LMBR1: variants seen among roughly 807,000 people sequenced by gnomAD.
LMBR1 encodes limb development membrane protein 1.
Under a neutral mutation model 73.9 loss-of-function variants are expected in LMBR1, and 52 were observed. The ratio of observed to expected loss-of-function variants is 0.70; its 90% CI spans 0.56 to 0.89. The LOEUF (loss-of-function observed/expected upper bound fraction) is 0.89, where lower values mean the gene tolerates loss of function less well. Among genes scored for constraint, LMBR1 ranks in the 40% least tolerant of loss-of-function variants. LMBR1 has a pLI of 0.00. For missense variants in LMBR1, 539 were observed against 579.8 expected (o/e 0.93, Z 0.72); for synonymous variants, 215 against 209.4 (o/e 1.03, Z -0.23).
intron 5 of LMBR1, among the ~76,000 whole-genome samples, chr7:156,767,700 T>A (rs745705525): frequency 6.6e-6 from 1 of 151,588 alleles, no homozygotes; most frequent in Non-Finnish European, 1.5e-5. Flanking sequence ...GTTAATATAG[T>A]AAAAAACAGA....
chr7:156,859,876 A>G (rs1218859331), intron 1 of LMBR1, among the ~76,000 whole-genome samples: 7 of 152,244 alleles, frequency 4.6e-5, no homozygotes, highest in African/African-American at 1.7e-4. Context: ...GAGGACTGAC[A>G]TTACCTGACT....
chr7:156,710,814 G>A (rs1005148690), intron 15 of LMBR1, among the ~76,000 whole-genome samples: 4 of 152,278 alleles, frequency 2.6e-5, no homozygotes, highest in South Asian at 2.1e-4. Context: ...CAGATTAACC[G>A]TAAATTTTTC....
At chr7:156,703,073 C>T (rs1190693678) in intron 15 of LMBR1, among the ~76,000 whole-genome samples, 1 of 152,196 alleles carries the variant, frequency 6.6e-6, no homozygotes, top group Non-Finnish European at 1.5e-5. Flanking sequence ...TTGGAGAGCA[C>T]CTTGACTCTC....
intron 1 of LMBR1, among the ~76,000 whole-genome samples, chr7:156,889,053 CA>C (rs879634101): frequency 0.045 from 6,160 of 137,732 alleles, 169 homozygotes; most frequent in Admixed American, 0.055. Flanking sequence ...GACTCTGTCT[CA>C]AAAAAAAAAA....
At chr7:156,712,741 G>C (rs1016841493) in intron 15 of LMBR1, among the ~76,000 whole-genome samples, 7 of 152,152 alleles carry the variant, frequency 4.6e-5, no homozygotes, top group Non-Finnish European at 8.8e-5. Context: ...CATCTTAAGT[G>C]AAACAAGTCA....
At chr7:156,752,229 T>A (rs1585558848) in intron 9 of LMBR1, among the ~76,000 whole-genome samples, 1 of 151,894 alleles carries the variant, frequency 6.6e-6, no homozygotes, top group East Asian at 1.9e-4. Context: ...GAAGCAAGAG[T>A]GAGTTTCAAA....
intron 15 of LMBR1, among the ~76,000 whole-genome samples, chr7:156,710,478 G>C (rs746374931): frequency 2.0e-5 from 3 of 151,996 alleles, no homozygotes; most frequent in South Asian, 2.1e-4. Context: ...CAAAGACAAA[G>C]AAAAAAGAAT....
At chr7:156,675,613 A>C, downstream of LMBR1, 1 of 1,181,946 alleles carries the variant, frequency 8.5e-7, no homozygotes, top group Non-Finnish European at 1.2e-6. Context: ...GGTTACCAAA[A>C]TAGATGGTCA....
At chr7:156,866,855 G>A (rs942184103) in intron 1 of LMBR1, among the ~76,000 whole-genome samples, 1 of 152,060 alleles carries the variant, frequency 6.6e-6, no homozygotes, top group African/African-American at 2.4e-5. Flanking sequence ...ACCCGCCTTG[G>A]CCTCCCAAAG....
intron 1 of LMBR1, among the ~76,000 whole-genome samples, chr7:156,862,492 C>T (rs1400642130): frequency 7.3e-6 from 1 of 136,586 alleles, no homozygotes; most frequent in African/African-American, 2.7e-5. Context: ...TAGAAAATAA[C>T]ATAGAAAAAA....
rs746844459 is a variant in LMBR1 at position 156,688,189 on chromosome 7, T to G, written c.1228A>C (p.Ile410Leu). The G allele has an allele frequency of 6.3e-6, 10 of 1,586,688 alleles. No homozygotes were observed. The South Asian group carries it at 9.3e-5, about 15-fold the overall frequency. The change falls in exon 16 of 17, where the codon ATC becomes CTC. Residue 410 changes from isoleucine (I) to leucine (L), a missense_variant and splice_region_variant. Transcript: ENST00000353442. ...ALPVMSRTLG[I>L]TRFDLLGDFG... is the part of the protein sequence containing the mutation. The stretch of plus-strand genomic sequence containing the variant: ...TCGCCAAGTAGATCAAATCTAGTGA[T>G]TCCTGTTAAAAATAAATAAAATAGC...
At chr7:156,813,713 A>G (rs1833470631) in intron 4 of LMBR1, among the ~76,000 whole-genome samples, 1 of 152,220 alleles carries the variant, frequency 6.6e-6, no homozygotes, top group Admixed American at 6.5e-5. Context: ...ATACACTCAG[A>G]AAATAAAGTC....
At chr7:156,714,881 A>C (rs1338127861) in intron 15 of LMBR1, among the ~76,000 whole-genome samples, 1 of 152,236 alleles carries the variant, frequency 6.6e-6, no homozygotes, top group East Asian at 1.9e-4. Flanking sequence ...CTGCCACGCC[A>C]AGGAAACGGA....
rs539894546 is a variant in LMBR1 at position 156,889,082 on chromosome 7, T to G, written c.66+3846A>C. Among the ~76,000 whole-genome samples, 38 of 152,066 alleles carry G rather than the reference T, an allele frequency of 2.5e-4. No homozygotes were observed. The South Asian group carries it at 7.9e-3, about 32-fold the overall frequency. On this transcript the variant is annotated intron_variant, in intron 1 of 16. Transcript: ENST00000353442. ...AAAAAAAAAGAAAGAAAAAGAAATT[T>G]TGACACATGCTACAACACAGGTGAA...
intron 15 of LMBR1, among the ~76,000 whole-genome samples, chr7:156,695,540 T>C (rs1415582880): frequency 2.0e-5 from 3 of 151,498 alleles, no homozygotes; most frequent in Non-Finnish European, 4.4e-5. Flanking sequence ...GAGCAAAGGG[T>C]TGGGGGAGGC....
At chr7:156,888,860 G>T (rs1283629077) in intron 1 of LMBR1, among the ~76,000 whole-genome samples, 2 of 152,088 alleles carry the variant, frequency 1.3e-5, no homozygotes, top group African/African-American at 4.8e-5. Context: ...TTCAAGACCA[G>T]CCTGGCCAAC....
At position 156,806,598 on chromosome 7, in the gene LMBR1, C is replaced by CTTTTT. The variant is rs71189962; in HGVS notation, c.320-10111_320-10107dup. Reference sequence around the variant, plus strand: ...GTTATCAGTAGGTTTTTTGTAGATGCTTTTTTTTTTTTTTTTTTTTTTTTT... The same window carrying CTTTTT: ...GTTATCAGTAGGTTTTTTGTAGATGCTTTTTTTTTTTTTTTTTTTTTTTTTTTTTT... On this transcript the variant is annotated intron_variant, in intron 4 of 16. Transcript: ENST00000353442. 1.9e-3 allele frequency among the ~76,000 whole-genome samples: 83 copies of CTTTTT among 44,682 alleles called. 7 individuals carry two copies. Among genetic ancestry groups the CTTTTT allele is most frequent in the African/African-American group, 7.1e-3 (70 of 9,880 alleles). 29.3% of individuals were successfully genotyped at this position (44,682 alleles called of 152,430 possible).
intron 4 of LMBR1, among the ~76,000 whole-genome samples, chr7:156,808,715 T>C (rs1832582592): frequency 6.6e-6 from 1 of 152,222 alleles, no homozygotes; most frequent in African/African-American, 2.4e-5. Context: ...TGTTTACTTA[T>C]TCACTATATC....
intron 2 of LMBR1, among the ~76,000 whole-genome samples, chr7:156,836,585 G>C (rs557084916): frequency 1.3e-4 from 20 of 152,272 alleles, no homozygotes; most frequent in Non-Finnish European, 2.2e-4. Context: ...TTCTTAGTTG[G>C]ACATAAGAAT....
Sources: gnomAD v4.1 joint callset for allele counts (sites outside exome capture counted in the v4.1 genomes callset) on GRCh38, gnomAD v4.1.1 for gene constraint, MANE v1.5 for transcripts, NCBI Gene and HGNC (gene_info 2026-07-23, HGNC 2026-07-21) for gene names.